TENT5D: variants seen among roughly 807,000 people sequenced by gnomAD.
TENT5D encodes the protein cancer/testis antigen 112.
For missense variants in TENT5D, 191 were observed against 287.0 expected (o/e 0.67, Z 2.42); for synonymous variants, 103 against 100.6 (o/e 1.02, Z -0.15).
At chrX:80,407,774 C>T (rs1317863688) in intron 3 of TENT5D, among the ~76,000 whole-genome samples, 1 of 107,438 alleles carries the variant, frequency 9.3e-6, no homozygotes, top group African/African-American at 3.4e-5. Flanking sequence ...ACAGAACTCT[C>T]CACCCCAAAT....
At chrX:80,412,571 C>T (rs771271521) in intron 3 of TENT5D, among the ~76,000 whole-genome samples, 25 of 112,153 alleles carry the variant, frequency 2.2e-4, no homozygotes, top group Admixed American at 2.2e-3. Context: ...TTAGAAATTT[C>T]TTCTGCCAGA....
Position 80,360,900 on chromosome X carries a change from G to A in TENT5D, c.-142+18336G>A, listed in dbSNP as rs763416072. The stretch of plus-strand genomic sequence containing the variant: ...GTTTTTTAGATGAGAATCTTAAAAA[G>A]CTGGACATGGTAGCTCTTAAAGATC... On this transcript the variant is annotated intron_variant, in intron 3 of 4. Coordinates refer to the TENT5D transcript ENST00000538312. 2.7e-5 allele frequency among the ~76,000 whole-genome samples: 3 copies of A among 112,085 alleles called. No homozygotes were observed. In the South Asian group the frequency reaches 1.1e-3, roughly 41 times the overall value.
intron 3 of TENT5D, among the ~76,000 whole-genome samples, chrX:80,352,257 C>T (rs961162561): frequency 1.8e-5 from 2 of 111,689 alleles, no homozygotes; most frequent in Non-Finnish European, 3.8e-5. Context: ...GCTGAAGTTA[C>T]GCCCACAGCC....
At chrX:80,399,892 G>A (rs1931359622) in intron 3 of TENT5D, among the ~76,000 whole-genome samples, 2 of 111,952 alleles carry the variant, frequency 1.8e-5, no homozygotes, top group African/African-American at 6.5e-5. Context: ...AATGATATTT[G>A]ACTTCCCAAA....
intron 3 of TENT5D, among the ~76,000 whole-genome samples, chrX:80,355,623 G>T (rs951362317): frequency 9.0e-6 from 1 of 111,595 alleles, no homozygotes; most frequent in Admixed American, 9.5e-5. Context: ...GAATTCTGCA[G>T]GTTTGTGACC....
At chrX:80,443,941 TATA>T (rs1048566660) in exon 3 of TENT5D, 4 of 311,703 alleles carry the variant, frequency 1.3e-5, no homozygotes, top group African/African-American at 1.1e-4. Flanking sequence ...ATTGACTAGC[TATA>T]ATAACTTTCA....
intron 3 of TENT5D, among the ~76,000 whole-genome samples, chrX:80,387,667 C>T (rs1467854629): frequency 9.0e-6 from 1 of 111,563 alleles, no homozygotes; most frequent in Non-Finnish European, 1.9e-5. Flanking sequence ...TAGTCACCAC[C>T]ACTGAGACTG....
At chrX:80,405,036 A>T (rs1025080993) in intron 3 of TENT5D, among the ~76,000 whole-genome samples, 1 of 111,915 alleles carries the variant, frequency 8.9e-6, no homozygotes, top group Non-Finnish European at 1.9e-5. Context: ...AAACATTTTT[A>T]GCATCAGGCC....
At chrX:80,442,495 C>T in intron 2 of TENT5D, 27 bp from the exon 3 acceptor site, 1 of 1,066,373 alleles carries the variant, frequency 9.4e-7, no homozygotes, top group Non-Finnish European at 1.3e-6. Flanking sequence ...TAACATATTT[C>T]TTCCCAATAT....
chrX:80,412,086 A>G (rs919092340), intron 3 of TENT5D, among the ~76,000 whole-genome samples: 4 of 112,777 alleles, frequency 3.5e-5, no homozygotes, highest in Admixed American at 1.9e-4. Context: ...CCAAACCTCA[A>G]TTCTTAACTT....
chrX:80,367,032 G>C (rs1001155539), intron 3 of TENT5D, among the ~76,000 whole-genome samples: 21 of 111,361 alleles, frequency 1.9e-4, no homozygotes, highest in African/African-American at 6.5e-4. Context: ...TGATTTTATA[G>C]ATATGAAATG....
chrX:80,390,818 G>A (rs1214850604), intron 3 of TENT5D, among the ~76,000 whole-genome samples: 1 of 111,863 alleles, frequency 8.9e-6, no homozygotes, highest in African/African-American at 3.2e-5. Context: ...ATACTGAGAT[G>A]CAAGGGTATT....
chrX:80,362,264 C>T (rs1433881201), intron 3 of TENT5D, among the ~76,000 whole-genome samples: 1 of 111,042 alleles, frequency 9.0e-6, no homozygotes, highest in Non-Finnish European at 1.9e-5. Context: ...CCTGGGTTCA[C>T]ACCATTCTCC....
At chrX:80,436,213 CT>C (rs1932179273) in intron 1 of TENT5D, among the ~76,000 whole-genome samples, 1 of 110,253 alleles carries the variant, frequency 9.1e-6, no homozygotes, top group African/African-American at 3.3e-5. Flanking sequence ...ATCTGAATAT[CT>C]TATCTGAATG....
At chrX:80,336,068 T>C (rs1929844104) in intron 2 of TENT5D, among the ~76,000 whole-genome samples, 1 of 110,693 alleles carries the variant, frequency 9.0e-6, no homozygotes, top group Non-Finnish European at 1.9e-5. Context: ...ATCCTGGGAA[T>C]TGTCGATTCG....
Position 80,339,095 on chromosome X carries a change from GCAA to G in TENT5D, c.-207+3389_-207+3391del, listed in dbSNP as rs776330629. 7.2e-5 allele frequency among the ~76,000 whole-genome samples: 8 copies of G among 110,932 alleles called. No individual in the cohort carries two copies. In the East Asian group the frequency reaches 1.7e-3, roughly 24 times the overall value. ...ACAAAAAAATTCCAAAACAAACACA[GCAA>G]CAACAACAAAAACAGAAGCTCAGAG... On this transcript the variant is annotated intron_variant, in intron 2 of 4. Coordinates refer to the TENT5D transcript ENST00000538312.
At chrX:80,351,562 G>A in intron 3 of TENT5D, among the ~76,000 whole-genome samples, 2 of 109,151 alleles carry the variant, frequency 1.8e-5, no homozygotes, top group Middle Eastern at 9.2e-3. Flanking sequence ...CCTTTGTCAG[G>A]GTTCTTAGCT....
At chrX:80,352,505 T>TC (rs777490814) in intron 3 of TENT5D, among the ~76,000 whole-genome samples, 47 of 109,681 alleles carry the variant, frequency 4.3e-4, no homozygotes, top group African/African-American at 1.5e-3. Context: ...TGGATGGCCT[T>TC]CCCCCCACCA....
At chrX:80,389,561 CA>C (rs1931087255) in intron 3 of TENT5D, among the ~76,000 whole-genome samples, 1 of 111,662 alleles carries the variant, frequency 9.0e-6, no homozygotes, top group African/African-American at 3.3e-5. Context: ...TTTACAAAGT[CA>C]AAAAAGTACA....
Sources: allele counts gnomAD v4.1 joint callset (sites outside exome capture counted in the v4.1 genomes callset), GRCh38; gene constraint gnomAD v4.1.1; transcripts MANE v1.5; gene names NCBI Gene and HGNC (gene_info 2026-07-23, HGNC 2026-07-21).